PLA2G4C: variants seen among roughly 807,000 people sequenced by gnomAD.
PLA2G4C encodes the protein cytosolic phospholipase A2 gamma.
In PLA2G4C, 64 loss-of-function variants were observed where a neutral mutation model predicts 73.8. The observed-to-expected ratio is 0.87, with a 90% CI of 0.71 to 1.07. PLA2G4C has a LOEUF of 1.07. Among genes scored for constraint, PLA2G4C ranks in the 50% least tolerant of loss-of-function variants. The pLI is 0.00. For synonymous variants in PLA2G4C, 254 were observed against 252.1 expected (o/e 1.01, Z -0.07); for missense variants, 622 against 665.4 (o/e 0.93, Z 0.72).
rs896582586 is a variant in PLA2G4C, at chr19:48,067,734, C to T, written c.1102+57G>A. 4 of 1,175,906 alleles carry T rather than the reference C, an allele frequency of 3.4e-6. No homozygotes were observed. The African/African-American group carries it at 6.0e-5, about 18-fold the overall frequency. The allele number at this position is 1,175,906 out of a possible 1,614,324, so 72.8% of individuals were successfully genotyped here. A position where few individuals can be genotyped will look rare whatever the true frequency, so the allele number is the denominator to read the frequency against. On this transcript the variant is annotated intron_variant, in intron 13 of 16. Transcript: ENST00000599921. ...GTTTCAGGCCCACCCCCTTCCCCTA[C>T]TCCAGCCCATTCACACGCAAGGACA...
chr19:48,085,050 A>C lies in PLA2G4C; in HGVS notation c.844+9T>G. On this transcript the variant is annotated intron_variant, in intron 10 of 16. Coordinates refer to ENST00000599921, the MANE Select transcript of PLA2G4C (RefSeq NM_003706.3). ...TAGGCTTTGACCTTTCTGTTCCCCA[A>C]ATACTCACCAAAAATAAGGTGTCCA... 1 of 1,601,184 alleles carries C rather than the reference A, an allele frequency of 6.2e-7. No homozygotes were observed. Among genetic ancestry groups the C allele is most frequent in the Non-Finnish European group, 8.6e-7 (1 of 1,168,252 alleles).
At chr19:48,073,706 G>A (rs11564617) in intron 12 of PLA2G4C, among the ~76,000 whole-genome samples, 1,854 of 152,126 alleles carry the variant, frequency 0.012, 41 homozygotes, top group African/African-American at 0.042. Context: ...ATCTGCTTCT[G>A]GTGGGGCCTC....
chr19:48,095,686 A>G lies in PLA2G4C; in HGVS notation c.569-82T>C. On this transcript the variant is annotated intron_variant, in intron 6 of 16. Coordinates refer to ENST00000599921, the MANE Select transcript of PLA2G4C (RefSeq NM_003706.3). Reference sequence around the variant, plus strand: ...GTATGCAGGAAAAAGAAATCTATTAATGAGGAATTACAACCATGACAGGAG... The same window carrying G: ...GTATGCAGGAAAAAGAAATCTATTAGTGAGGAATTACAACCATGACAGGAG... 2.9e-6 allele frequency: 4 copies of G among 1,368,536 alleles called. No individual in the cohort carries two copies. The Admixed American group carries it at 6.8e-5, about 23-fold the overall frequency. The allele number at this position is 1,368,536 out of a possible 1,614,324, so 84.8% of individuals were successfully genotyped here.
chr19:48,099,649 TC>T lies in PLA2G4C; in HGVS notation c.447+21del. ...CCCTTGCTCCTACCCCCACCCCAGG[TC>T]CCCAGCTGGGAATGACTTACTTCTC... is the stretch of plus-strand genomic sequence containing the variant. On this transcript the variant is annotated intron_variant, in intron 5 of 16. Coordinates refer to ENST00000599921, the MANE Select transcript of PLA2G4C (RefSeq NM_003706.3). 9 of 1,594,236 alleles carry T rather than the reference TC, an allele frequency of 5.6e-6. No homozygotes were observed. The South Asian group carries it at 1.0e-4, about 18-fold the overall frequency.
chr19:48,110,268 C>T (rs543342079), intron 1 of PLA2G4C, among the ~76,000 whole-genome samples: 1 of 151,904 alleles, frequency 6.6e-6, no homozygotes, highest in African/African-American at 2.4e-5. Context: ...ATCGCTTGAA[C>T]CCCGGAGGCG....
chr19:48,083,046 C>G (rs2030706862), intron 10 of PLA2G4C, among the ~76,000 whole-genome samples: 1 of 151,950 alleles, frequency 6.6e-6, no homozygotes. Flanking sequence ...GATCTCCTGA[C>G]CTGGTGATCC....
At chr19:48,090,550 C>G in intron 7 of PLA2G4C, 133 bp from the exon 8 acceptor site, 1 of 711,102 alleles carries the variant, frequency 1.4e-6, no homozygotes, top group South Asian at 1.6e-5. Flanking sequence ...TTCTTCCATT[C>G]CATAAATATT....
intron 10 of PLA2G4C, among the ~76,000 whole-genome samples, chr19:48,082,496 C>CTTTTTT (rs66641645): frequency 2.8e-3 from 295 of 106,260 alleles, no homozygotes; most frequent in Non-Finnish European, 3.5e-3. Flanking sequence ...TTCTTTCTTT[C>CTTTTTT]TTTTTTTTTT....
At chr19:48,082,280 C>A (rs1282857104) in intron 10 of PLA2G4C, among the ~76,000 whole-genome samples, 1 of 151,620 alleles carries the variant, frequency 6.6e-6, no homozygotes, top group Non-Finnish European at 1.5e-5. Flanking sequence ...CTAATAGTAG[C>A]AGTGTTGATC....
chr19:48,049,209 T>C (rs1053461693), intron 16 of PLA2G4C, among the ~76,000 whole-genome samples: 16 of 152,296 alleles, frequency 1.1e-4, no homozygotes, highest in Non-Finnish European at 1.8e-4. Flanking sequence ...TACAGAATGT[T>C]ATAGACATAG....
rs180728705 is a variant in PLA2G4C, at chr19:48,062,734, G to A, written c.1103-582C>T. On this transcript the variant is annotated intron_variant, in intron 13 of 16. Coordinates refer to ENST00000599921, the MANE Select transcript of PLA2G4C (RefSeq NM_003706.3). ...ATTAAGGTAAAATGGGGTTTTTGGC[G>A]TGAAGTTCCAAATGAAGCTGCCTTC... 1.4e-3 allele frequency among the ~76,000 whole-genome samples: 219 copies of A among 152,254 alleles called. 3 individuals carry two copies. The highest frequency in any genetic ancestry group is 4.4e-3 in the African/African-American group (184 of 41,556).
chr19:48,050,677 T>TTTA (rs1967692923), intron 16 of PLA2G4C, among the ~76,000 whole-genome samples: 1 of 128,416 alleles, frequency 7.8e-6, no homozygotes, highest in Non-Finnish European at 1.7e-5. Flanking sequence ...ATGTGACTTT[T>TTTA]TTTTTTTTTT....
chr19:48,099,972 G>A (rs2031814308), intron 4 of PLA2G4C, 112 bp from the exon 5 acceptor site: 3 of 655,242 alleles, frequency 4.6e-6, no homozygotes, highest in East Asian at 2.8e-5. Flanking sequence ...CATGGAGAGG[G>A]CGACACACAG....
At chr19:48,105,101 A>AAG (rs1555755661) in intron 3 of PLA2G4C, among the ~76,000 whole-genome samples, 33 of 144,144 alleles carry the variant, frequency 2.3e-4, no homozygotes, top group East Asian at 1.6e-3. Context: ...AAAAAAAAAA[A>AAG]AAAGAAAGAA....
chr19:48,083,970 G>A (rs1192257698), intron 10 of PLA2G4C, among the ~76,000 whole-genome samples: 4 of 151,820 alleles, frequency 2.6e-5, no homozygotes, highest in Non-Finnish European at 5.9e-5. Context: ...GCAAAATGGA[G>A]GGGACAACAG....
intron 2 of PLA2G4C, among the ~76,000 whole-genome samples, chr19:48,105,947 CTTCTTTCTTTCTTTCT>C (rs1216106059): frequency 7.6e-4 from 7 of 9,164 alleles, no homozygotes; most frequent in Middle Eastern, 0.067. Context: ...CCCTCCCTCC[CTTCTTTCTTTCTTTCT>C]TTCTTTCTTT....
chr19:48,056,879 G>A (rs1967964155), intron 14 of PLA2G4C, among the ~76,000 whole-genome samples: 1 of 150,644 alleles, frequency 6.6e-6, no homozygotes. Context: ...GTGTTTCCAG[G>A]AACAGAAAAC....
At chr19:48,097,499 G>C (rs868444165) in intron 6 of PLA2G4C, among the ~76,000 whole-genome samples, 4 of 151,622 alleles carry the variant, frequency 2.6e-5, no homozygotes, top group Admixed American at 6.6e-5. Context: ...TGATCCACCC[G>C]CCTCGGCCTC....
intron 12 of PLA2G4C, 194 bp downstream of exon 12, chr19:48,074,573 T>C (rs1361404293): frequency 8.5e-6 from 5 of 589,546 alleles, no homozygotes; most frequent in African/African-American, 1.9e-5. Flanking sequence ...TCTCCTACAA[T>C]GGTTGAACTA....
Sources: gnomAD v4.1 joint callset for allele counts (sites outside exome capture counted in the v4.1 genomes callset) on GRCh38, gnomAD v4.1.1 for gene constraint, MANE v1.5 for transcripts, NCBI Gene and HGNC (gene_info 2026-07-23, HGNC 2026-07-21) for gene names.